Variants in HPX observed in about 807,000 individuals in gnomAD.
HPX encodes hemopexin.
HPX carries 42 observed loss-of-function variants against 53.8 expected under a neutral mutation model. The observed-to-expected ratio is 0.78, with a 90% confidence interval of 0.61 to 1.01. The LOEUF (loss-of-function observed/expected upper bound fraction) is 1.01, where lower values mean the gene tolerates loss of function less well. Ranked by LOEUF, HPX falls within the 50% of genes least tolerant of loss-of-function variation. The pLI is 0.00. For missense variants in HPX, 547 were observed against 594.3 expected, an observed-to-expected ratio of 0.92 and a Z score of 0.83; for synonymous variants, 229 against 221.1, an observed-to-expected ratio of 1.04 and a Z score of -0.32.
chr11:6,438,302 C>T, intron 5 of HPX, 54 bp downstream of exon 5: 1 of 1,561,938 alleles, frequency 6.4e-7, no homozygotes, highest in Non-Finnish European at 8.8e-7. Flanking sequence ...TCACTACTGG[C>T]ATCACTACCA....
At chr11:6,432,567 G>A (rs954591628) in intron 7 of HPX, among the ~76,000 whole-genome samples, 1 of 152,098 alleles carries the variant, frequency 6.6e-6, no homozygotes, top group African/African-American at 2.4e-5. Flanking sequence ...TTACACTTCT[G>A]TTTCCCTCAA....
At chr11:6,437,210 A>AGG in intron 6 of HPX, 33 bp from the exon 7 acceptor site, 1 of 1,599,156 alleles carries the variant, frequency 6.3e-7, no homozygotes. Flanking sequence ...AGAACACAGA[A>AGG]GGAGGCCAGA....
chr11:6,431,235 G>C lies in HPX; in HGVS notation c.1365C>G (p.Thr455=). 6.2e-7 allele frequency: 1 copy of C among 1,614,230 alleles called. No individual in the cohort carries two copies. Among genetic ancestry groups the C allele is most frequent in the South Asian group, 1.1e-5 (1 of 91,084 alleles). ...AKALPQPQNV[T]SLLGCTH ...CTCAGTGAGTGCAGCCCAGGAGACTGGTCACATTCTGGGGTTGCGGAAGGG... is the reference window on the plus strand; with the variant it reads ...CTCAGTGAGTGCAGCCCAGGAGACTCGTCACATTCTGGGGTTGCGGAAGGG... Residue 455 remains threonine, a synonymous_variant, in exon 10 of 10, where the codon ACC becomes ACG. Transcript: ENST00000265983.
In HPX at chr11:6,431,723, G is replaced by A. The variant is rs73398890; in HGVS notation, c.1047C>T (p.Val349=). Residue 349 remains valine, a synonymous_variant, in exon 9 of 10, where the codon GTC becomes GTT. Coordinates refer to ENST00000265983, the MANE Select transcript of HPX (RefSeq NM_000613.3). ...SGYPKRLEKE[V]GTPHGIILDS... ...CCAGGATAATCCCATGAGGGGTCCC[G>A]ACTTCCTTCTCCAGCCGCTTCGGAT... is the stretch of plus-strand genomic sequence containing the variant. The A allele has an allele frequency of 4.4e-3, 7,102 of 1,614,114 alleles. 279 individuals are homozygous for A. The African/African-American group carries it at 0.08, about 18-fold the overall frequency.
Position 6,434,575 on chromosome 11 carries a change from C to G in HPX, c.835+2471G>C, listed in dbSNP as rs993212330. ...AGAACTCCTGGACTCAAGTGATCTG[C>G]CCCCCTCGGCCTCCCACAGTGTTGG... On this transcript the variant is annotated intron_variant, in intron 7 of 9. Coordinates refer to ENST00000265983, the MANE Select transcript of HPX (RefSeq NM_000613.3). Among the ~76,000 whole-genome samples the G allele has an allele frequency of 1.2e-4, 19 of 152,270 alleles. 1 individual carries two copies. The highest frequency in any genetic ancestry group is 6.8e-3 in the Middle Eastern group (2 of 292).
chr11:6,437,878 A>C (rs1413674373), intron 5 of HPX: 2 of 589,106 alleles, frequency 3.4e-6, no homozygotes, highest in Admixed American at 5.9e-5. Flanking sequence ...TTCCCAGGGA[A>C]GATGATACTT....
chr11:6,436,657 G>T (rs1849421243), intron 7 of HPX, among the ~76,000 whole-genome samples: 1 of 152,240 alleles, frequency 6.6e-6, no homozygotes, highest in Non-Finnish European at 1.5e-5. Flanking sequence ...GGGGGAGCCA[G>T]AGGACTCAGA....
chr11:6,436,397 C>A (rs759103001), intron 7 of HPX, among the ~76,000 whole-genome samples: 69 of 152,300 alleles, frequency 4.5e-4, no homozygotes, highest in Non-Finnish European at 4.4e-4. Context: ...GAACTCAGAA[C>A]AGCCCTAGGT....
chr11:6,431,891 A>C lies in HPX; in HGVS notation c.962T>G (p.Val321Gly). The change falls in exon 8 of 10, where the codon GTC becomes GGC. Residue 321 changes from valine (V) to glycine (G), a missense_variant. Physicochemically the swap from Val to Gly is moderately radical, Grantham distance 109 (BLOSUM62 -3). Transcript: ENST00000265983. ...AFSWEEKLYLVQGTQVYVFLT... is the reference protein window; with the variant it reads ...AFSWEEKLYLGQGTQVYVFLT... Reference sequence around the variant, plus strand: ...AGCCTCTCCCCCAATACACACCTGGACCAGATAGAGTTTTTCTTCCCAGGA... The same window carrying C: ...AGCCTCTCCCCCAATACACACCTGGCCCAGATAGAGTTTTTCTTCCCAGGA... 1.2e-6 allele frequency: 2 copies of C among 1,614,142 alleles called. No individual in the cohort carries two copies. The highest frequency in any genetic ancestry group is 1.7e-6 in the Non-Finnish European group (2 of 1,180,018).
chr11:6,436,926 TG>T, intron 7 of HPX, 119 bp downstream of exon 7: 1 of 1,103,940 alleles, frequency 9.1e-7, no homozygotes, highest in Non-Finnish European at 1.3e-6. Context: ...TGCAGAAGGA[TG>T]GGGACAGAGG....
intron 5 of HPX, chr11:6,438,094 T>G: frequency 1.9e-6 from 1 of 538,266 alleles, no homozygotes; most frequent in Non-Finnish European, 3.3e-6. Context: ...TATGTAAGAC[T>G]AAAGAGGGTA....
chr11:6,431,919 A>T lies in HPX; in HGVS notation c.934T>A (p.Phe312Ile). 2 of 1,614,152 alleles carry T rather than the reference A, an allele frequency of 1.2e-6. No individual in the cohort carries two copies. The highest frequency in any genetic ancestry group is 1.7e-6 in the Non-Finnish European group (2 of 1,180,034). The change falls in exon 8 of 10, where the codon TTT becomes ATT. Residue 312 changes from phenylalanine to isoleucine, a missense_variant. Transcript: ENST00000265983. ...PQGPSAVDAA[F>I]SWEEKLYLVQ... is the part of the protein sequence containing the mutation. ...AGATAGAGTTTTTCTTCCCAGGAAA[A>T]GGCAGCATCCACTGCTGAAGGACCC...
Position 6,437,528 on chromosome 11 carries a change from T to C in HPX, c.615A>G (p.Gln205=), listed in dbSNP as rs1017867660. ...LGRYYCFQGN[Q]FLRFDPVRGE... ...CCCTGACAGGGTCGAAGCGCAGGAA[T>C]TGGTTACCCTGGAAGCAGTAGTAGC... Residue 205 remains glutamine (Q), a synonymous_variant, in exon 6 of 10, where the codon CAA becomes CAG. Transcript: ENST00000265983. The C allele has an allele frequency of 4.6e-5, 75 of 1,614,042 alleles. No individual in the cohort carries two copies. Among genetic ancestry groups the C allele is most frequent in the Non-Finnish European group, 6.2e-5 (73 of 1,180,026 alleles).
In HPX at chr11:6,432,017, C is replaced by T. The variant is rs1849357573; in HGVS notation, c.836G>A (p.Gly279Glu). 1 of 1,614,150 alleles carries T rather than the reference C, an allele frequency of 6.2e-7. No individual in the cohort carries two copies. The highest frequency in any genetic ancestry group is 8.5e-7 in the Non-Finnish European group (1 of 1,180,030). ...DNHGATYAFS[G>E]THYWRLDTSR... ...GGTGTCCAGACGCCAGTAGTGGGTC[C>T]CTGTGGAATACCATAGGTTGCTCTA... The change falls in exon 8 of 10, where the codon GGG becomes GAG. Residue 279 changes from glycine (G) to glutamate (E), a missense_variant and splice_region_variant. Gly to Glu is a moderately conservative substitution (Grantham distance 98). Coordinates refer to ENST00000265983, the MANE Select transcript of HPX (RefSeq NM_000613.3).
chr11:6,431,795 C>G lies in HPX; in HGVS notation c.975G>C (p.Gln325His). The change falls in exon 9 of 10, where the codon CAG (glutamine) becomes CAC (histidine). Residue 325 changes from glutamine to histidine, a missense_variant. By Grantham distance (24) the Gln-to-His change is conservative (BLOSUM62 0). Transcript: ENST00000265983. ...EEKLYLVQGT[Q>H]VYVFLTKGGY... ...CTCCCTTTGTCAGGAAGACATATAC[C>G]TGGGTGCCCTGGAGGACAAAGGATG... 3 of 1,614,084 alleles carry G rather than the reference C, an allele frequency of 1.9e-6. No homozygotes were observed. Among genetic ancestry groups the G allele is most frequent in the Non-Finnish European group, 2.5e-6 (3 of 1,180,034 alleles).
rs112920502 is a variant in HPX at position 6,437,664 on chromosome 11, C to A, written c.491-12G>T. 411 of 1,611,398 alleles carry A rather than the reference C, an allele frequency of 2.6e-4. 1 individual carries two copies. In the African/African-American group the frequency reaches 4.5e-3, roughly 18 times the overall value. ...CCACTCGCGGTCACCTTTGTCCAAT[C>A]AATCAACAGGCATTTGGTGAGACCG... On this transcript the variant is annotated splice_polypyrimidine_tract_variant and intron_variant, in intron 5 of 9. Coordinates refer to ENST00000265983, the MANE Select transcript of HPX (RefSeq NM_000613.3).
chr11:6,431,568 T>C, intron 9 of HPX, 73 bp downstream of exon 9: 7 of 1,606,782 alleles, frequency 4.4e-6, no homozygotes, highest in Non-Finnish European at 6.0e-6. Flanking sequence ...GGCCTTCTCA[T>C]GCCCTGGTGG....
At chr11:6,434,625 C>T (rs931257493) in intron 7 of HPX, among the ~76,000 whole-genome samples, 1 of 152,246 alleles carries the variant, frequency 6.6e-6, no homozygotes, top group Non-Finnish European at 1.5e-5. Context: ...GCCACCACAC[C>T]TGGCCCAGGG....
At position 6,437,026 on chromosome 11, in the gene HPX, G is replaced by A. The variant is rs750019408; in HGVS notation, c.835+20C>T. 3 of 1,613,042 alleles carry A rather than the reference G, an allele frequency of 1.9e-6. No homozygotes were observed. Among genetic ancestry groups the A allele is most frequent in the East Asian group, 2.2e-5 (1 of 44,876 alleles). On this transcript the variant is annotated intron_variant, in intron 7 of 9. Transcript: ENST00000265983. ...AAAGAGATGTGAGAGCACATTGGGG[G>A]AGTTGGGGGCATCTCTCACCACTGA...
Sources: gnomAD v4.1 joint callset for allele counts (sites outside exome capture counted in the v4.1 genomes callset) on GRCh38, gnomAD v4.1.1 for gene constraint, MANE v1.5 for transcripts, NCBI Gene and HGNC (gene_info 2026-07-23, HGNC 2026-07-21) for gene names.